The following SH3RF3 variants were observed in gnomAD, a reference collection of about 807,000 sequenced individuals.
SH3RF3 encodes the protein E3 ubiquitin-protein ligase SH3RF3.
In SH3RF3, 29 loss-of-function variants were observed where a neutral mutation model predicts 66.3. That is an observed-to-expected ratio of 0.44 (90% CI 0.33 to 0.60). The LOEUF (loss-of-function observed/expected upper bound fraction) is 0.60. SH3RF3 is among the 20% of genes least tolerant of loss of function. The pLI, the probability that SH3RF3 is intolerant of heterozygous loss-of-function variation, is 0.04. For missense variants in SH3RF3, 1,194 were observed against 1,190.9 expected, an observed-to-expected ratio of 1.00 and a Z score of -0.04; for synonymous variants, 583 against 532.0, an observed-to-expected ratio of 1.10 and a Z score of -1.32.
At chr2:109,290,853 G>C (rs765538597) in intron 1 of SH3RF3, among the ~76,000 whole-genome samples, 6 of 152,198 alleles carry the variant, frequency 3.9e-5, no homozygotes, top group African/African-American at 7.2e-5. Flanking sequence ...CTGATTTAAG[G>C]CTTAAATATT....
Position 109,227,213 on chromosome 2 carries a change from C to T in SH3RF3, c.573+97100C>T, listed in dbSNP as rs186323942. 3.1e-3 allele frequency among the ~76,000 whole-genome samples: 471 copies of T among 152,274 alleles called. 3 individuals carry two copies. The highest frequency in any genetic ancestry group is 0.011 in the African/African-American group (449 of 41,548). On this transcript the variant is annotated intron_variant, in intron 1 of 9. Coordinates refer to ENST00000309415, the MANE Select transcript of SH3RF3 (RefSeq NM_001099289.3). ...TTTTCTCCTGAAATTGAGAGGATCC[C>T]ACCCAGGCCTCAGGGGCTGAAAGTT...
At chr2:109,366,599 A>G (rs76797737) in intron 2 of SH3RF3, among the ~76,000 whole-genome samples, 22,267 of 152,256 alleles carry the variant, frequency 0.15, 1,788 homozygotes, top group Middle Eastern at 0.24. Context: ...CTGTAATCCC[A>G]GCACTTTAGG....
chr2:109,315,640 C>T (rs17035400), intron 1 of SH3RF3, among the ~76,000 whole-genome samples: 47,499 of 152,118 alleles, frequency 0.31, 9,200 homozygotes, highest in African/African-American at 0.55. Context: ...AGAGAAGAGA[C>T]GCCTGTGCAG....
In SH3RF3 at chr2:109,163,526, G is replaced by C. The variant is rs994892394; in HGVS notation, c.573+33413G>C. Among the ~76,000 whole-genome samples, 37 of 140,684 alleles carry C rather than the reference G, an allele frequency of 2.6e-4. 1 individual carries two copies. Among genetic ancestry groups the C allele is most frequent in the Admixed American group, 2.5e-3 (33 of 13,318 alleles). 92.3% of individuals were successfully genotyped at this position (140,684 alleles called of 152,430 possible). A position where few individuals can be genotyped will look rare whatever the true frequency, so the allele number is the denominator to read the frequency against. On this transcript the variant is annotated intron_variant, in intron 1 of 9. Transcript: ENST00000309415. ...CCATTCTCCTGCCTCAGCCTCCCAA[G>C]TAGCTGGGACTACAGGCGCCCGCCA... is the stretch of plus-strand genomic sequence containing the variant.
At chr2:109,311,701 C>A (rs1209686531) in intron 1 of SH3RF3, among the ~76,000 whole-genome samples, 1 of 152,162 alleles carries the variant, frequency 6.6e-6, no homozygotes. Context: ...GACTGATGTA[C>A]CCTGGTGGTG....
chr2:109,266,580 G>C (rs1358503595), intron 1 of SH3RF3, among the ~76,000 whole-genome samples: 1 of 152,094 alleles, frequency 6.6e-6, no homozygotes, highest in Non-Finnish European at 1.5e-5. Flanking sequence ...TTTTGTGCCT[G>C]ATGCCCGTCA....
At chr2:109,332,123 T>A (rs1292297545) in intron 1 of SH3RF3, among the ~76,000 whole-genome samples, 1 of 152,178 alleles carries the variant, frequency 6.6e-6, no homozygotes, top group African/African-American at 2.4e-5. Flanking sequence ...TGGCCAAGGC[T>A]GCTGGTAAAG....
intron 1 of SH3RF3, among the ~76,000 whole-genome samples, chr2:109,287,276 G>T (rs1268283937): frequency 1.3e-5 from 2 of 152,118 alleles, no homozygotes; most frequent in African/African-American, 4.8e-5. Context: ...GTAGTGTTTT[G>T]TGGTCACAAT....
chr2:109,177,933 C>G (rs1445632661), intron 1 of SH3RF3, among the ~76,000 whole-genome samples: 1 of 152,198 alleles, frequency 6.6e-6, no homozygotes, highest in Non-Finnish European at 1.5e-5. Context: ...AAGTTTCTAG[C>G]AGGAGTCTCA....
At position 109,369,366 on chromosome 2, in the gene SH3RF3, A is replaced by G. The variant is rs77897147; in HGVS notation, c.850-2220A>G. On this transcript the variant is annotated intron_variant, in intron 2 of 9. Coordinates refer to ENST00000309415, the MANE Select transcript of SH3RF3 (RefSeq NM_001099289.3). ...CCGTCTAAAAAAAGAAAAAGAAAAG[A>G]AAGAAAAGCCCCACACACTCAACGC... 6.4e-3 allele frequency among the ~76,000 whole-genome samples: 968 copies of G among 152,166 alleles called. 10 individuals are homozygous for G. The highest frequency in any genetic ancestry group is 0.048 in the East Asian group (250 of 5,164).
chr2:109,488,395 G>GGTT (rs1679036588), intron 8 of SH3RF3, among the ~76,000 whole-genome samples: 1 of 152,164 alleles, frequency 6.6e-6, no homozygotes, highest in South Asian at 2.1e-4. Context: ...TCTTGCTGTG[G>GGTT]GTTCAGGCCT....
intron 5 of SH3RF3, among the ~76,000 whole-genome samples, chr2:109,427,727 G>A (rs562133171): frequency 9.9e-4 from 151 of 152,346 alleles, no homozygotes; most frequent in African/African-American, 3.5e-3. Flanking sequence ...GTTCTACCTG[G>A]GAGAACCCCA....
At chr2:109,336,017 A>G (rs887346462) in intron 1 of SH3RF3, among the ~76,000 whole-genome samples, 3 of 152,230 alleles carry the variant, frequency 2.0e-5, no homozygotes, top group Admixed American at 6.5e-5. Flanking sequence ...GTGACTGGCA[A>G]CATCTGGAAC....
intron 4 of SH3RF3, among the ~76,000 whole-genome samples, chr2:109,413,419 G>A (rs1464014700): frequency 6.6e-6 from 1 of 152,154 alleles, no homozygotes; most frequent in East Asian, 1.9e-4. Flanking sequence ...AGGCCTGTCT[G>A]GTTATTTTAG....
At chr2:109,185,844 T>G (rs1004792680) in intron 1 of SH3RF3, among the ~76,000 whole-genome samples, 2 of 152,250 alleles carry the variant, frequency 1.3e-5, no homozygotes, top group Non-Finnish European at 2.9e-5. Context: ...CGACAGTGTC[T>G]TGTAATTAGG....
chr2:109,354,801 G>C (rs934150872), intron 2 of SH3RF3, among the ~76,000 whole-genome samples: 6 of 152,260 alleles, frequency 3.9e-5, no homozygotes, highest in Non-Finnish European at 8.8e-5. Context: ...CCAGGTGGAA[G>C]TGAAAACACA....
intron 4 of SH3RF3, among the ~76,000 whole-genome samples, chr2:109,415,306 A>C (rs1157870853): frequency 6.6e-6 from 1 of 152,198 alleles, no homozygotes; most frequent in Non-Finnish European, 1.5e-5. Context: ...TGTGGTGGCT[A>C]AGCACGTGGC....
Position 109,368,482 on chromosome 2 carries a change from T to G in SH3RF3, c.850-3104T>G, listed in dbSNP as rs559063931. On this transcript the variant is annotated intron_variant, in intron 2 of 9. Coordinates refer to ENST00000309415, the MANE Select transcript of SH3RF3 (RefSeq NM_001099289.3). ...AATTTTAGTAACATTTTCTAACTGA[T>G]TATTGCTGGTATATGAGAAAGCCAA... Among the ~76,000 whole-genome samples the G allele has an allele frequency of 2.0e-5, 3 of 152,212 alleles. No individual in the cohort carries two copies. The East Asian group carries it at 5.8e-4, about 29-fold the overall frequency.
At chr2:109,394,612 AT>A (rs1237677883) in intron 3 of SH3RF3, among the ~76,000 whole-genome samples, 2 of 152,214 alleles carry the variant, frequency 1.3e-5, no homozygotes, top group African/African-American at 4.8e-5. Context: ...TTCTCTTTCC[AT>A]TAAAAAACAT....
Sources: allele counts gnomAD v4.1 joint callset (sites outside exome capture counted in the v4.1 genomes callset), GRCh38; gene constraint gnomAD v4.1.1; transcripts MANE v1.5; gene names NCBI Gene and HGNC (gene_info 2026-07-23, HGNC 2026-07-21).